SPEF2: variants seen among roughly 807,000 people sequenced by gnomAD.
SPEF2 encodes the protein sperm flagella and cilia-associated protein 2.
Under a neutral mutation model 224.6 loss-of-function variants are expected in SPEF2, and 187 were observed. The ratio of observed to expected loss-of-function variants is 0.83; its 90% CI spans 0.74 to 0.94. The LOEUF is 0.94. Ranked by LOEUF, SPEF2 falls within the 40% of genes least tolerant of loss-of-function variation. SPEF2 has a pLI of 0.00. For missense variants in SPEF2, 2,170 were observed against 2,135.6 expected (o/e 1.02, Z -0.32); for synonymous variants, 715 against 707.3 (o/e 1.01, Z -0.17).
At chr5:35,709,290 T>C in intron 19 of SPEF2, 169 bp downstream of exon 19, 2 of 1,433,102 alleles carry the variant, frequency 1.4e-6, no homozygotes, top group Non-Finnish European at 1.8e-6. Flanking sequence ...GCTAAAAGCG[T>C]AGTTGTTACA....
At chr5:35,649,220 A>C (rs893332480) in intron 5 of SPEF2, 141 bp from the exon 6 acceptor site, 51 of 638,696 alleles carry the variant, frequency 8.0e-5, no homozygotes, top group African/African-American at 7.4e-4. Flanking sequence ...TTATAAAAAA[A>C]ATTTTTAGAA....
intron 30 of SPEF2, among the ~76,000 whole-genome samples, chr5:35,786,487 C>T (rs1363137470): frequency 6.6e-6 from 1 of 151,676 alleles, no homozygotes; most frequent in African/African-American, 2.4e-5. Flanking sequence ...TGGTGAAACC[C>T]CGTCTCTAAT....
At chr5:35,710,973 C>T (rs1040931118) in intron 19 of SPEF2, 4 of 767,064 alleles carry the variant, frequency 5.2e-6, no homozygotes, top group Non-Finnish European at 4.8e-6. Context: ...CTGTGATGGA[C>T]ATTGATAGGG....
chr5:35,782,485 A>G (rs1030507475), intron 30 of SPEF2, among the ~76,000 whole-genome samples: 4 of 152,226 alleles, frequency 2.6e-5, no homozygotes, highest in African/African-American at 7.2e-5. Flanking sequence ...TTATTTGCAT[A>G]TAACAGCCAT....
In SPEF2 at chr5:35,661,275, T is replaced by TAG. The variant is rs1280177796; in HGVS notation, c.1167+2069_1167+2070insGA. Among the ~76,000 whole-genome samples the TAG allele has an allele frequency of 2.8e-4, 13 of 46,456 alleles. 1 individual carries two copies. The highest frequency in any genetic ancestry group is 1.2e-3 in the African/African-American group (13 of 10,766). 30.5% of individuals were successfully genotyped at this position (46,456 alleles called of 152,430 possible). A position where few individuals can be genotyped will look rare whatever the true frequency, so the allele number is the denominator to read the frequency against. On this transcript the variant is annotated intron_variant, in intron 8 of 36. Coordinates refer to ENST00000356031, the MANE Select transcript of SPEF2 (RefSeq NM_024867.4). ...TATATTATATATATATATATATATA[T>TAG]ATATATATATATATATATATATATT...
At chr5:35,786,741 T>C (rs562200830) in intron 30 of SPEF2, among the ~76,000 whole-genome samples, 1 of 151,718 alleles carries the variant, frequency 6.6e-6, no homozygotes, top group South Asian at 2.1e-4. Context: ...AATGTCAAGG[T>C]TTTCAGTTAA....
At chr5:35,624,986 T>C (rs977139808) in intron 1 of SPEF2, among the ~76,000 whole-genome samples, 5 of 152,210 alleles carry the variant, frequency 3.3e-5, no homozygotes, top group African/African-American at 1.2e-4. Flanking sequence ...GTATACACTT[T>C]TTCTTCAGCT....
At chr5:35,793,446 C>A in intron 32 of SPEF2, 105 bp downstream of exon 32, 1 of 1,140,680 alleles carries the variant, frequency 8.8e-7, no homozygotes, top group Non-Finnish European at 1.2e-6. Context: ...CAGTGCATTG[C>A]TTCTCAGCTC....
intron 2 of SPEF2, among the ~76,000 whole-genome samples, chr5:35,631,896 GA>G (rs1410809130): frequency 5.3e-5 from 8 of 152,198 alleles, no homozygotes; most frequent in Non-Finnish European, 1.0e-4. Flanking sequence ...GTAATCTAGA[GA>G]TGATTGAAAA....
rs140785773 is a variant in SPEF2 at position 35,727,614 on chromosome 5, C to T, written c.2915-61C>T. On this transcript the variant is annotated intron_variant, in intron 20 of 36. Coordinates refer to ENST00000356031, the MANE Select transcript of SPEF2 (RefSeq NM_024867.4). The stretch of plus-strand genomic sequence containing the variant: ...CCATGGTAATTATAGATGTATTCAT[C>T]TACCAGAATTCTGTCCCATTCATTT... The T allele has an allele frequency of 2.9e-6, 4 of 1,397,524 alleles. No individual in the cohort carries two copies. In the African/African-American group the frequency reaches 4.3e-5, roughly 15 times the overall value. The allele number at this position is 1,397,524 out of a possible 1,614,324, so 86.6% of individuals were successfully genotyped here.
rs75251573 is a variant in SPEF2, at chr5:35,694,385, TC to T, written c.1975+23del. The T allele has an allele frequency of 0.084, 132,692 of 1,584,020 alleles. 9,161 individuals carry two copies. Among genetic ancestry groups the T allele is most frequent in the East Asian group, 0.4 (17,719 of 44,474 alleles). Reference sequence around the variant, plus strand: ...CTTAGTAAGATCTCAAAACAAATCATCTATTATTTACATTAGAGAGAGAAAC... The same window carrying T: ...CTTAGTAAGATCTCAAAACAAATCATTATTATTTACATTAGAGAGAGAAAC... On this transcript the variant is annotated intron_variant, in intron 13 of 36. Coordinates refer to ENST00000356031, the MANE Select transcript of SPEF2 (RefSeq NM_024867.4).
intron 34 of SPEF2, among the ~76,000 whole-genome samples, chr5:35,801,300 G>C (rs181303954): frequency 2.0e-5 from 3 of 152,200 alleles, no homozygotes; most frequent in Admixed American, 1.3e-4. Flanking sequence ...TGGCTCACCT[G>C]AGGTCAGGAG....
At chr5:35,635,892 T>C (rs554917638) in intron 2 of SPEF2, among the ~76,000 whole-genome samples, 1 of 152,324 alleles carries the variant, frequency 6.6e-6, no homozygotes, top group East Asian at 1.9e-4. Context: ...TTTCTTTTCC[T>C]TTCTTTAACA....
At chr5:35,713,781 A>T (rs113611376) in intron 20 of SPEF2, among the ~76,000 whole-genome samples, 1 of 113,686 alleles carries the variant, frequency 8.8e-6, no homozygotes. Flanking sequence ...TATATATATT[A>T]TATATAGTGT....
At chr5:35,648,936 C>G (rs1432680339) in intron 5 of SPEF2, among the ~76,000 whole-genome samples, 1 of 151,610 alleles carries the variant, frequency 6.6e-6, no homozygotes. Flanking sequence ...ATCACTTGAA[C>G]CCGGGAGGTG....
At chr5:35,775,057 C>T (rs1055160440) in intron 28 of SPEF2, among the ~76,000 whole-genome samples, 1 of 152,080 alleles carries the variant, frequency 6.6e-6, no homozygotes, top group East Asian at 1.9e-4. Flanking sequence ...GTGCCAAGTC[C>T]TGTGATAGTT....
intron 10 of SPEF2, among the ~76,000 whole-genome samples, chr5:35,682,262 A>G (rs1043488660): frequency 2.0e-5 from 3 of 152,136 alleles, no homozygotes; most frequent in African/African-American, 7.2e-5. Context: ...TCTTGAAGTC[A>G]GTTTGTTAGA....
chr5:35,807,349 G>T (rs1318523885), intron 36 of SPEF2, 96 bp downstream of exon 36: 14 of 1,487,346 alleles, frequency 9.4e-6, no homozygotes, highest in Non-Finnish European at 1.3e-5. Flanking sequence ...AGAGAAAGAA[G>T]CTGTACTCTG....
At chr5:35,696,470 T>C (rs1256881082) in intron 14 of SPEF2, among the ~76,000 whole-genome samples, 1 of 152,162 alleles carries the variant, frequency 6.6e-6, no homozygotes, top group East Asian at 1.9e-4. Context: ...GACTTACAAT[T>C]TTTACTCTGT....
Sources: allele counts gnomAD v4.1 joint callset (sites outside exome capture counted in the v4.1 genomes callset), GRCh38; gene constraint gnomAD v4.1.1; transcripts MANE v1.5; gene names NCBI Gene and HGNC (gene_info 2026-07-23, HGNC 2026-07-21).